CSGALNACT1: variants seen among roughly 807,000 people sequenced by gnomAD.
The protein encoded by CSGALNACT1 is chondroitin sulfate N-acetylgalactosaminyltransferase 1.
In CSGALNACT1, 52 loss-of-function variants were observed where a neutral mutation model predicts 51.0. The observed-to-expected ratio is 1.02, with a 90% CI of 0.82 to 1.29. The LOEUF is 1.29. Among genes scored for constraint, CSGALNACT1 ranks in the 50% most tolerant of loss-of-function variants. CSGALNACT1 has a pLI of 0.00. For synonymous variants in CSGALNACT1, 341 were observed against 254.4 expected (o/e 1.34, Z -3.24); for missense variants, 935 against 679.2 (o/e 1.38, Z -4.19).
intron 1 of CSGALNACT1, among the ~76,000 whole-genome samples, chr8:19,633,872 G>A (rs2055637142): frequency 6.6e-6 from 1 of 152,128 alleles, no homozygotes. Context: ...TGCCAAACTG[G>A]TGGCATGCAA....
intron 4 of CSGALNACT1, among the ~76,000 whole-genome samples, chr8:19,474,215 A>G (rs1361962280): frequency 2.0e-5 from 3 of 152,168 alleles, no homozygotes; most frequent in African/African-American, 7.2e-5. Flanking sequence ...GAAGTCTTCA[A>G]AAGGGAAAGA....
At chr8:19,591,388 C>G (rs2047785768) in intron 2 of CSGALNACT1, 1 of 152,146 alleles carries the variant, frequency 6.6e-6, no homozygotes, top group South Asian at 2.1e-4. Context: ...GAAGTGTGAG[C>G]TATTCAAAAT....
At chr8:19,513,432 C>CTATATATATATATATATA (rs1464867601) in intron 3 of CSGALNACT1, among the ~76,000 whole-genome samples, 5 of 71,908 alleles carry the variant, frequency 7.0e-5, no homozygotes, top group East Asian at 7.3e-4. Flanking sequence ...CTCTCTCTCT[C>CTATATATATATATATATA]TCTCTATATA....
At chr8:19,538,360 TA>T (rs201790241) in intron 3 of CSGALNACT1, among the ~76,000 whole-genome samples, 207 of 149,908 alleles carry the variant, frequency 1.4e-3, no homozygotes, top group Non-Finnish European at 2.3e-3. Context: ...TTCAACAACA[TA>T]AAAAAAAAGT....
intron 2 of CSGALNACT1, among the ~76,000 whole-genome samples, chr8:19,597,900 A>G (rs1264859401): frequency 6.6e-6 from 1 of 152,246 alleles, no homozygotes; most frequent in African/African-American, 2.4e-5. Flanking sequence ...CAAACATCTA[A>G]CCAGTAAATA....
intron 3 of CSGALNACT1, chr8:19,585,059 A>G (rs969372035): frequency 6.6e-6 from 1 of 152,230 alleles, no homozygotes; most frequent in Non-Finnish European, 1.5e-5. Flanking sequence ...TATTCCATAA[A>G]GCACTGCTAA....
Position 19,463,509 on chromosome 8 carries a change from G to T in CSGALNACT1, c.635-4867C>A, listed in dbSNP as rs185829366. ...AGGAACAGAGCAAACTTGGGCATGG[G>T]GGGAGGGGTGGTGAGGGAAGGGAAA... is the stretch of plus-strand genomic sequence containing the variant. On this transcript the variant is annotated intron_variant, in intron 4 of 9. Transcript: ENST00000454498. Among the ~76,000 whole-genome samples, 26 of 152,296 alleles carry T rather than the reference G, an allele frequency of 1.7e-4. No homozygotes were observed. In the East Asian group the frequency reaches 4.6e-3, roughly 27 times the overall value.
chr8:19,611,657 C>T (rs1202976120), intron 1 of CSGALNACT1, among the ~76,000 whole-genome samples: 2 of 152,106 alleles, frequency 1.3e-5, no homozygotes, highest in African/African-American at 4.8e-5. Context: ...AACTTCTGGC[C>T]CTCTTCTTCA....
chr8:19,581,975 T>C (rs2045677346), intron 3 of CSGALNACT1, among the ~76,000 whole-genome samples: 1 of 152,230 alleles, frequency 6.6e-6, no homozygotes, highest in Non-Finnish European at 1.5e-5. Flanking sequence ...GATGTAAAGG[T>C]TGCAATTTTT....
intron 3 of CSGALNACT1, among the ~76,000 whole-genome samples, chr8:19,578,117 C>T (rs947135673): frequency 6.6e-6 from 1 of 152,186 alleles, no homozygotes; most frequent in Non-Finnish European, 1.5e-5. Context: ...CAGGTGGCAC[C>T]GCAGGTCGTC....
chr8:19,756,546 C>CA (rs1285816308), intron 1 of CSGALNACT1, among the ~76,000 whole-genome samples: 2 of 152,142 alleles, frequency 1.3e-5, no homozygotes, highest in Non-Finnish European at 2.9e-5. Context: ...CCGCTTCCTA[C>CA]AGCTTTCCTC....
At position 19,641,050 on chromosome 8, in the gene CSGALNACT1, T is replaced by C. The variant is rs2056674669; in HGVS notation, c.-543-39185A>G. Among the ~76,000 whole-genome samples, 3 of 152,126 alleles carry C rather than the reference T, an allele frequency of 2.0e-5. No individual in the cohort carries two copies. In the South Asian group the frequency reaches 6.2e-4, roughly 32 times the overall value. On this transcript the variant is annotated intron_variant, in intron 1 of 9. Transcript: ENST00000332246. ...GGATCATTTTGTAATCCATTTCTAT[T>C]AGGTCTCTCCTTCCATGGAGTTCTC... is the stretch of plus-strand genomic sequence containing the variant.
chr8:19,607,110 G>A (rs57619032), upstream of CSGALNACT1, among the ~76,000 whole-genome samples: 770 of 151,472 alleles, frequency 5.1e-3, 7 homozygotes, highest in African/African-American at 0.016. Flanking sequence ...AGCTGAGAAC[G>A]CGCCACGGCA....
chr8:19,476,428 G>A (rs1294191651), intron 4 of CSGALNACT1, among the ~76,000 whole-genome samples: 1 of 152,148 alleles, frequency 6.6e-6, no homozygotes, highest in Non-Finnish European at 1.5e-5. Flanking sequence ...TTTTAGTAGA[G>A]ATGGGGTTTC....
At chr8:19,612,323 G>A (rs4922068) in intron 1 of CSGALNACT1, among the ~76,000 whole-genome samples, 145,747 of 151,614 alleles carry the variant, frequency 0.96, 70,098 homozygotes, top group Middle Eastern at 0.99. Context: ...AGCCTGGATG[G>A]CAGGATGAAT....
chr8:19,669,096 A>G (rs2059595813), intron 1 of CSGALNACT1, among the ~76,000 whole-genome samples: 1 of 152,248 alleles, frequency 6.6e-6, no homozygotes, highest in Non-Finnish European at 1.5e-5. Flanking sequence ...CTTGGAGTCT[A>G]GACATGTGGA....
intron 5 of CSGALNACT1, among the ~76,000 whole-genome samples, chr8:19,444,933 T>A (rs1045617605): frequency 6.6e-6 from 1 of 151,834 alleles, no homozygotes; most frequent in African/African-American, 2.4e-5. Context: ...ATGGAAGAAA[T>A]AGGGAAGATG....
At chr8:19,481,282 A>T (rs963194340) in intron 4 of CSGALNACT1, among the ~76,000 whole-genome samples, 1 of 152,008 alleles carries the variant, frequency 6.6e-6, no homozygotes, top group Non-Finnish European at 1.5e-5. Context: ...AGTCTGCCCC[A>T]TACTCCTGGT....
intron 3 of CSGALNACT1, among the ~76,000 whole-genome samples, chr8:19,587,572 A>G (rs944441837): frequency 1.3e-5 from 2 of 152,202 alleles, no homozygotes; most frequent in Non-Finnish European, 2.9e-5. Context: ...ACACATCACT[A>G]AATTTCCTGG....
Sources: allele counts gnomAD v4.1 joint callset (sites outside exome capture counted in the v4.1 genomes callset), GRCh38; gene constraint gnomAD v4.1.1; transcripts MANE v1.5; gene names NCBI Gene and HGNC (gene_info 2026-07-23, HGNC 2026-07-21).